The following FGF18 variants were observed in gnomAD, a reference collection of about 807,000 sequenced individuals.
FGF18 encodes fibroblast growth factor 18.
A neutral mutation model predicts 23.0 loss-of-function variants in FGF18; 5 were observed. The ratio of observed to expected loss-of-function variants is 0.22; its 90% confidence interval spans 0.11 to 0.46. The LOEUF (loss-of-function observed/expected upper bound fraction) is 0.46. FGF18 is among the 20% of genes least tolerant of loss of function. The pLI is 0.99. For missense variants in FGF18, 180 were observed against 291.6 expected (o/e 0.62, Z 2.79); for synonymous variants, 117 against 118.9 (o/e 0.98, Z 0.10).
At chr5:171,453,540 AGAG>A (rs748415276) in intron 4 of FGF18, among the ~76,000 whole-genome samples, 63 of 152,318 alleles carry the variant, frequency 4.1e-4, no homozygotes, top group African/African-American at 1.4e-3. Context: ...GGAACTGGGC[AGAG>A]GAGAAGTGAG....
chr5:171,455,189 C>T (rs1414323857), intron 4 of FGF18, among the ~76,000 whole-genome samples: 1 of 152,166 alleles, frequency 6.6e-6, no homozygotes, highest in Non-Finnish European at 1.5e-5. Flanking sequence ...TGCTCCTTGT[C>T]CAGCAGACCC....
intron 3 of FGF18, among the ~76,000 whole-genome samples, chr5:171,438,618 G>T (rs116358693): frequency 2.8e-3 from 420 of 152,130 alleles, no homozygotes; most frequent in African/African-American, 9.0e-3. Context: ...CTCTCTCAAG[G>T]AATATGTTTC....
intron 2 of FGF18, among the ~76,000 whole-genome samples, chr5:171,424,627 C>T (rs1488378844): frequency 3.3e-5 from 5 of 152,124 alleles, no homozygotes; most frequent in Admixed American, 1.3e-4. Flanking sequence ...TAGAGACATG[C>T]TAGGGATCTG....
At chr5:171,422,618 A>C (rs904438060) in intron 2 of FGF18, among the ~76,000 whole-genome samples, 2 of 152,166 alleles carry the variant, frequency 1.3e-5, no homozygotes, top group African/African-American at 2.4e-5. Flanking sequence ...CCCCATTCAC[A>C]CTACAGGGGC....
At position 171,440,611 on chromosome 5, in the gene FGF18, A is replaced by G. The variant is rs547970150; in HGVS notation, c.250+4338A>G. The stretch of plus-strand genomic sequence containing the variant: ...GGCTGACTTTGAGTAGGAAGAACCT[A>G]GGCTGTGAACTTCCCACGTGACTGT... On this transcript the variant is annotated intron_variant, in intron 3 of 4. Transcript: ENST00000274625. This position sits in a 1 kb window ranked among gnomAD's most constrained non-coding sequence, Gnocchi z 4.0. Among the ~76,000 whole-genome samples the G allele has an allele frequency of 2.4e-3, 368 of 152,238 alleles. 1 individual carries two copies. The highest frequency in any genetic ancestry group is 3.8e-3 in the Non-Finnish European group (259 of 68,010).
chr5:171,430,085 G>A (rs907918420), intron 2 of FGF18, among the ~76,000 whole-genome samples: 3 of 152,212 alleles, frequency 2.0e-5, no homozygotes, highest in Non-Finnish European at 4.4e-5. Context: ...CAGGCTGAGC[G>A]CGGTGGCTCA....
At chr5:171,424,843 A>AGAGGGGGAAGGGGGAGGGGGAGGG in intron 2 of FGF18, among the ~76,000 whole-genome samples, 1 of 99,816 alleles carries the variant, frequency 1.0e-5, no homozygotes, top group African/African-American at 3.9e-5. Flanking sequence ...TATCCCCAGC[A>AGAGGGGGAAGGGGGAGGGGGAGGG]GAGGGGGAAG....
chr5:171,433,441 A>C (rs1772207674), intron 2 of FGF18, among the ~76,000 whole-genome samples: 1 of 152,130 alleles, frequency 6.6e-6, no homozygotes, highest in Non-Finnish European at 1.5e-5. Flanking sequence ...GGGGGAGGGG[A>C]CAGGGCCAGC....
At chr5:171,442,318 TCTC>T (rs1263329349) in intron 3 of FGF18, among the ~76,000 whole-genome samples, 16 of 152,148 alleles carry the variant, frequency 1.1e-4, no homozygotes, top group Non-Finnish European at 2.1e-4. Context: ...AAGGATACCT[TCTC>T]CTCCATTGCC....
At chr5:171,441,005 T>C (rs1451120196) in intron 3 of FGF18, among the ~76,000 whole-genome samples, 2 of 152,184 alleles carry the variant, frequency 1.3e-5, no homozygotes, top group South Asian at 2.1e-4. Context: ...CCCCTTTAAA[T>C]GTGGCTAGAA....
rs926320562 is a variant in FGF18 at position 171,434,047 on chromosome 5, C to T, written c.70-2046C>T. Among the ~76,000 whole-genome samples the T allele has an allele frequency of 1.3e-5, 2 of 152,232 alleles. No individual in the cohort carries two copies. The highest frequency in any genetic ancestry group is 4.8e-5 in the African/African-American group (2 of 41,462). ...TAGAGTTTAATAACTTGCATAAGGTCCCTTAGCTAGAGAGTGGCACATCCT... is the reference window on the plus strand; with the variant it reads ...TAGAGTTTAATAACTTGCATAAGGTTCCTTAGCTAGAGAGTGGCACATCCT... On this transcript the variant is annotated intron_variant, in intron 2 of 4. Coordinates refer to ENST00000274625, the MANE Select transcript of FGF18 (RefSeq NM_003862.3). This position sits in a 1 kb window ranked among gnomAD's most constrained non-coding sequence, Gnocchi z 4.6.
At chr5:171,425,255 T>C (rs1196831706) in intron 2 of FGF18, among the ~76,000 whole-genome samples, 1 of 152,250 alleles carries the variant, frequency 6.6e-6, no homozygotes, top group Non-Finnish European at 1.5e-5. Context: ...TTTTTGTTAC[T>C]GTTGTTGAGT....
At position 171,426,171 on chromosome 5, in the gene FGF18, T is replaced by C. The variant is rs112065842; in HGVS notation, c.69+5728T>C. On this transcript the variant is annotated intron_variant, in intron 2 of 4. Coordinates refer to ENST00000274625, the MANE Select transcript of FGF18 (RefSeq NM_003862.3). ...GCCTCAGGTAGTTGTGGAGGGACAG[T>C]GCATCACCCAAACTCTTGTTTGTAG... 8.9e-3 allele frequency among the ~76,000 whole-genome samples: 1,349 copies of C among 152,222 alleles called. 14 individuals are homozygous for C. The highest frequency in any genetic ancestry group is 0.031 in the African/African-American group (1,273 of 41,534).
rs1258960832 is a variant in FGF18, at chr5:171,451,188, G to GGCGCACCCTGGCGCA, written c.357+1939_357+1953dup. On this transcript the variant is annotated intron_variant, in intron 4 of 4. Transcript: ENST00000274625. This position sits in a 1 kb window ranked among gnomAD's most constrained non-coding sequence, Gnocchi z 4.5. ...ATATTGGTGACGGTTCAGCTGGCGC[G>GGCGCACCCTGGCGCA]GCGCACCCTGGCGCAGCGGAGGGAG... 6.6e-6 allele frequency among the ~76,000 whole-genome samples: 1 copy of GGCGCACCCTGGCGCA among 151,806 alleles called. No individual in the cohort carries two copies. Among genetic ancestry groups the GGCGCACCCTGGCGCA allele is most frequent in the African/African-American group, 2.4e-5 (1 of 41,336 alleles).
Position 171,434,905 on chromosome 5 carries a change from G to C in FGF18, c.70-1188G>C, listed in dbSNP as rs1772225042. 6.6e-6 allele frequency among the ~76,000 whole-genome samples: 1 copy of C among 152,044 alleles called. No individual in the cohort carries two copies. Among genetic ancestry groups the C allele is most frequent in the African/African-American group, 2.4e-5 (1 of 41,374 alleles). On this transcript the variant is annotated intron_variant, in intron 2 of 4. Transcript: ENST00000274625. The surrounding 1 kb of genome is among the most constrained non-coding windows in gnomAD (Gnocchi z 4.6). ...AAGAAGCGCAAAGCATGGTTGAGGG[G>C]AGGGAGAGTGTCAGAGCTGGAGGTG...
rs61209923 is a variant in FGF18, at chr5:171,440,227, G to T, written c.250+3954G>T. On this transcript the variant is annotated intron_variant, in intron 3 of 4. Transcript: ENST00000274625. The surrounding 1 kb of genome is among the most constrained non-coding windows in gnomAD (Gnocchi z 4.0). ...CTGACCTCCTTACTATGGGTGTGTG[G>T]GGGGGGGTGGTGCCATCGCGGGCTC... Among the ~76,000 whole-genome samples the T allele has an allele frequency of 0.17, 15,684 of 89,870 alleles. 874 individuals are homozygous for T. The highest frequency in any genetic ancestry group is 0.25 in the Middle Eastern group (43 of 172). 59.0% of individuals were successfully genotyped at this position (89,870 alleles called of 152,430 possible).
At chr5:171,442,031 A>G (rs560950646) in intron 3 of FGF18, among the ~76,000 whole-genome samples, 2 of 152,030 alleles carry the variant, frequency 1.3e-5, no homozygotes, top group East Asian at 1.9e-4. Flanking sequence ...GGAACTTCCT[A>G]TCTCCACCTA....
intron 4 of FGF18, among the ~76,000 whole-genome samples, chr5:171,450,890 T>A (rs918531831): frequency 3.9e-5 from 6 of 151,916 alleles, no homozygotes; most frequent in African/African-American, 9.7e-5. Context: ...TGCTTTGAGT[T>A]TTCGGCTCGT....
chr5:171,425,267 G>A (rs6880293), intron 2 of FGF18, among the ~76,000 whole-genome samples: 3,000 of 152,248 alleles, frequency 0.02, 102 homozygotes, highest in African/African-American at 0.069. Context: ...TTGTTGAGTT[G>A]GAGTCTCACT....
Sources: gnomAD v4.1 joint callset for allele counts (sites outside exome capture counted in the v4.1 genomes callset) on GRCh38, gnomAD v4.1.1 for gene constraint, Gnocchi (gnomAD v3.1) non-coding constraint, MANE v1.5 for transcripts, NCBI Gene and HGNC (gene_info 2026-07-23, HGNC 2026-07-21) for gene names.